Variants in TRPS1 observed in about 807,000 individuals in gnomAD.
TRPS1 encodes the protein zinc finger transcription factor Trps1.
In TRPS1, 6 loss-of-function variants were observed where a neutral mutation model predicts 101.2. That is an observed-to-expected ratio of 0.06 (90% CI 0.03 to 0.12). The LOEUF (loss-of-function observed/expected upper bound fraction) is 0.12, where lower values mean the gene tolerates loss of function less well. TRPS1 is among the 10% of genes least tolerant of loss of function. The pLI is 1.00. For synonymous variants in TRPS1, 578 were observed against 589.8 expected, an observed-to-expected ratio of 0.98 and a Z score of 0.29; for missense variants, 1,363 against 1,567.0, an observed-to-expected ratio of 0.87 and a Z score of 2.20.
At chr8:115,584,722 G>T (rs1420173545) in intron 5 of TRPS1, among the ~76,000 whole-genome samples, 1 of 151,080 alleles carries the variant, frequency 6.6e-6, no homozygotes, top group Non-Finnish European at 1.5e-5. Context: ...CACCAAAGTA[G>T]AATTGGTGTC....
chr8:115,533,436 G>GTTTTTTTGTTTTTTTTTTT (rs1816188433), intron 5 of TRPS1, among the ~76,000 whole-genome samples: 1 of 34,986 alleles, frequency 2.9e-5, no homozygotes, highest in Non-Finnish European at 5.3e-5. Context: ...CATGTAATCT[G>GTTTTTTTGTTTTTTTTTTT]TTTTTTTTTT....
chr8:115,450,517 T>C (rs1813842695), intron 5 of TRPS1, among the ~76,000 whole-genome samples: 1 of 151,912 alleles, frequency 6.6e-6, no homozygotes, highest in Non-Finnish European at 1.5e-5. Context: ...GCGCTGACTC[T>C]TTTTTTAAAA....
At chr8:115,629,297 G>A (rs966672280) in intron 1 of TRPS1, among the ~76,000 whole-genome samples, 1 of 151,734 alleles carries the variant, frequency 6.6e-6, no homozygotes, top group East Asian at 1.9e-4. Context: ...GTTAAAAGAA[G>A]ATTGAGGCAT....
intron 1 of TRPS1, among the ~76,000 whole-genome samples, chr8:115,627,745 T>C (rs1394371583): frequency 6.6e-6 from 1 of 151,784 alleles, no homozygotes; most frequent in Non-Finnish European, 1.5e-5. Context: ...TGTTAATCAA[T>C]AGAAAAGAAA....
intron 1 of TRPS1, among the ~76,000 whole-genome samples, chr8:115,643,608 A>G (rs1316911184): frequency 6.6e-6 from 1 of 152,162 alleles, no homozygotes; most frequent in African/African-American, 2.4e-5. Context: ...ATCTGCACTT[A>G]CTTCCTCCAC....
rs1208083135 is a variant in TRPS1, at chr8:115,609,917, C to A, written c.967-4915G>T. ...GTGAAGAATATAAAAGGGTTGGTTT[C>A]TTTCAAGGTCATTAATCTCAGTTTC... On this transcript the variant is annotated intron_variant, in intron 3 of 6. Transcript: ENST00000395715. Among the ~76,000 whole-genome samples the A allele has an allele frequency of 3.9e-5, 6 of 152,296 alleles. No individual in the cohort carries two copies. In the Middle Eastern group the frequency reaches 0.01, roughly 259 times the overall value.
At chr8:115,618,909 A>T (rs1421647453) in intron 3 of TRPS1, among the ~76,000 whole-genome samples, 1 of 152,172 alleles carries the variant, frequency 6.6e-6, no homozygotes, top group East Asian at 1.9e-4. Context: ...TCCCAAATTT[A>T]AAAAAATGCT....
chr8:115,619,121 A>T lies in TRPS1; in HGVS notation c.966+11T>A, dbSNP rs536244768. The stretch of plus-strand genomic sequence containing the variant: ...CTTTTTCTGTACAAAGAGACAATAC[A>T]AAGTACAAACCTGCACATCATAGGT... On this transcript the variant is annotated intron_variant, in intron 3 of 6. Transcript: ENST00000395715. The T allele has an allele frequency of 6.2e-7, 1 of 1,613,862 alleles. No individual in the cohort carries two copies. The highest frequency in any genetic ancestry group is 1.3e-5 in the African/African-American group (1 of 75,032).
Position 115,549,638 on chromosome 8 carries a change from T to G in TRPS1, c.2700+37363A>C, listed in dbSNP as rs372109056. ...GCTACTCAGACAGACTTAGGAACCT[T>G]GGTCAAGTAGCTTCTCTACTATAAT... On this transcript the variant is annotated intron_variant, in intron 5 of 6. Transcript: ENST00000395715. Among the ~76,000 whole-genome samples, 47 of 150,754 alleles carry G rather than the reference T, an allele frequency of 3.1e-4. 2 individuals carry two copies. Among genetic ancestry groups the G allele is most frequent in the African/African-American group, 1.0e-3 (42 of 41,016 alleles).
At chr8:115,524,518 A>G (rs1419347975) in intron 5 of TRPS1, among the ~76,000 whole-genome samples, 1 of 151,636 alleles carries the variant, frequency 6.6e-6, no homozygotes, top group African/African-American at 2.4e-5. Context: ...ACAGGGTTTC[A>G]CCATGTTGGT....
chr8:115,487,493 T>C (rs998918410), intron 5 of TRPS1, among the ~76,000 whole-genome samples: 4 of 152,208 alleles, frequency 2.6e-5, no homozygotes, highest in African/African-American at 4.8e-5. Context: ...CTGATGGATC[T>C]GGGCAAAGTC....
rs1430782226 is a variant in TRPS1 at position 115,412,581 on chromosome 8, T to C, written c.*1442A>G. 2 of 152,542 alleles carry C rather than the reference T, an allele frequency of 1.3e-5. No homozygotes were observed. The highest frequency in any genetic ancestry group is 2.9e-5 in the Non-Finnish European group (2 of 68,006). The allele number at this position is 152,542 out of a possible 1,614,324, so 9.4% of individuals were successfully genotyped here. Reference sequence around the variant, plus strand: ...CTATTTGTTCTCCCAACTTCTTTAATGAAATAAGTTAATCTGACAGTGCAT... The same window carrying C: ...CTATTTGTTCTCCCAACTTCTTTAACGAAATAAGTTAATCTGACAGTGCAT... On this transcript the variant is annotated 3_prime_UTR_variant, in exon 7 of 7. Coordinates refer to ENST00000395715, the MANE Select transcript of TRPS1 (RefSeq NM_014112.5).
chr8:115,591,608 G>A (rs1817680104), intron 4 of TRPS1, among the ~76,000 whole-genome samples: 1 of 152,118 alleles, frequency 6.6e-6, no homozygotes, highest in South Asian at 2.1e-4. Flanking sequence ...TCATCATCCT[G>A]GAGAGGACCT....
intron 5 of TRPS1, among the ~76,000 whole-genome samples, chr8:115,496,523 C>T (rs960324162): frequency 3.3e-5 from 5 of 152,002 alleles, no homozygotes; most frequent in Non-Finnish European, 1.5e-5. Context: ...TATCCTATAA[C>T]GAGTTTGTCT....
intron 5 of TRPS1, among the ~76,000 whole-genome samples, chr8:115,473,537 A>G (rs1380855662): frequency 6.6e-6 from 1 of 152,202 alleles, no homozygotes; most frequent in Non-Finnish European, 1.5e-5. Context: ...TTTCCCTGTC[A>G]AAAAGCAGTT....
At chr8:115,544,733 C>T (rs951149369) in intron 5 of TRPS1, among the ~76,000 whole-genome samples, 5 of 152,132 alleles carry the variant, frequency 3.3e-5, no homozygotes, top group Admixed American at 1.3e-4. Context: ...AACACCCTTT[C>T]ATTAATTTAT....
intron 5 of TRPS1, among the ~76,000 whole-genome samples, chr8:115,461,797 G>T (rs1455296802): frequency 6.6e-6 from 1 of 151,962 alleles, no homozygotes; most frequent in Non-Finnish European, 1.5e-5. Context: ...TAAGATTAAA[G>T]GCTGTCTTTG....
In TRPS1 at chr8:115,633,660, G is replaced by A. The variant is rs531401068; in HGVS notation, c.-121-9902C>T. Among the ~76,000 whole-genome samples, 8 of 152,244 alleles carry A rather than the reference G, an allele frequency of 5.3e-5. 1 individual carries two copies. The highest frequency in any genetic ancestry group is 1.9e-4 in the African/African-American group (8 of 41,558). ...GGTAACCTGCTTACCCAAGAAGACC[G>A]GAGGGAACAGATGAGCAAATAAAAC... On this transcript the variant is annotated intron_variant, in intron 1 of 6. Coordinates refer to ENST00000395715, the MANE Select transcript of TRPS1 (RefSeq NM_014112.5).
At chr8:115,655,616 T>C (rs1000456722) in intron 1 of TRPS1, among the ~76,000 whole-genome samples, 19 of 152,194 alleles carry the variant, frequency 1.2e-4, no homozygotes, top group African/African-American at 4.6e-4. Context: ...AAAGTTAATA[T>C]ATATGTACAT....
Sources: allele counts gnomAD v4.1 joint callset (sites outside exome capture counted in the v4.1 genomes callset), GRCh38; gene constraint gnomAD v4.1.1; transcripts MANE v1.5; gene names NCBI Gene and HGNC (gene_info 2026-07-23, HGNC 2026-07-21).